The following ANTXRL variants were observed in gnomAD, a reference collection of about 807,000 sequenced individuals.
ANTXRL encodes anthrax toxin receptor-like.
A neutral mutation model predicts 75.4 loss-of-function variants in ANTXRL; 63 were observed. The observed-to-expected ratio is 0.84, with a 90% CI of 0.68 to 1.03. ANTXRL has a LOEUF of 1.03. ANTXRL is among the 50% of genes least tolerant of loss of function. The probability of loss-of-function intolerance (pLI) is 0.00; values close to 1 mark genes in which losing one functional copy is unlikely to be tolerated. For missense variants in ANTXRL, 797 were observed against 789.4 expected (o/e 1.01, Z -0.12); for synonymous variants, 335 against 291.3 (o/e 1.15, Z -1.53).
rs7093005 is a variant in ANTXRL at position 46,302,836 on chromosome 10, T to G, written c.895+16T>G. ...ACTATCATTGGTAAGTTGTCTCCTC[T>G]GTGCCTCTGAGTCACGTATTTCCCA... On this transcript the variant is annotated intron_variant, in intron 10 of 16. Transcript: ENST00000620264. The G allele has an allele frequency of 7.0e-5, 106 of 1,504,930 alleles. No individual in the cohort carries two copies. The highest frequency in any genetic ancestry group is 3.8e-4 in the Middle Eastern group (2 of 5,232). The allele number at this position is 1,504,930 out of a possible 1,614,324, so 93.2% of individuals were successfully genotyped here. A position where few individuals can be genotyped will look rare whatever the true frequency, so the allele number is the denominator to read the frequency against.
intron 16 of ANTXRL, among the ~76,000 whole-genome samples, chr10:46,326,092 GTT>G (rs111489384): frequency 3.1e-4 from 44 of 142,134 alleles, no homozygotes; most frequent in African/African-American, 7.0e-4. Context: ...AGGCATCTGG[GTT>G]TTTTTTTTTT....
chr10:46,315,823 C>T (rs770801570), intron 16 of ANTXRL, among the ~76,000 whole-genome samples: 2 of 152,188 alleles, frequency 1.3e-5, no homozygotes, highest in South Asian at 2.1e-4. Context: ...TTCTCCAAGG[C>T]TCAGTTTACC....
chr10:46,329,966 G>A lies in ANTXRL; in HGVS notation c.1778G>A (p.Arg593His), dbSNP rs782774064. ...CLPLTCSSRCRLPPARCLRPP... is the reference protein window; with the variant it reads ...CLPLTCSSRCHLPPARCLRPP... ...CCCCTCACCTGCTCCTCCAGGTGCCGCCTCCCCCCAGCTAGGTGCTTGAGG... is the reference window on the plus strand; with the variant it reads ...CCCCTCACCTGCTCCTCCAGGTGCCACCTCCCCCCAGCTAGGTGCTTGAGG... The change falls in exon 17 of 17, where the codon CGC (arginine) becomes CAC (histidine). Residue 593 changes from arginine (R) to histidine (H), a missense_variant. By Grantham distance (29) the Arg-to-His change is conservative. Coordinates refer to ENST00000620264, the MANE Select transcript of ANTXRL (RefSeq NM_001278688.3). 4.2e-5 allele frequency: 64 copies of A among 1,534,316 alleles called. No homozygotes were observed. The highest frequency in any genetic ancestry group is 1.4e-4 in the Admixed American group (7 of 50,798).
chr10:46,303,958 G>C (rs1837911686), intron 10 of ANTXRL, among the ~76,000 whole-genome samples: 1 of 152,048 alleles, frequency 6.6e-6, no homozygotes, highest in Non-Finnish European at 1.5e-5. Context: ...GGTAATCCCA[G>C]GATGACTTCT....
chr10:46,328,911 C>G (rs1839356490), intron 16 of ANTXRL, among the ~76,000 whole-genome samples: 1 of 152,026 alleles, frequency 6.6e-6, no homozygotes, highest in Non-Finnish European at 1.5e-5. Flanking sequence ...TTATAGTGAC[C>G]CTGAGGGCCT....
intron 2 of ANTXRL, among the ~76,000 whole-genome samples, chr10:46,293,576 C>CGT (rs1363831958): frequency 1.6e-3 from 91 of 57,178 alleles, no homozygotes; most frequent in Admixed American, 9.4e-3. Flanking sequence ...TGTGTGTGCG[C>CGT]GTGTGTGTGT....
At chr10:46,305,389 C>A (rs1838012741) in intron 10 of ANTXRL, among the ~76,000 whole-genome samples, 1 of 152,190 alleles carries the variant, frequency 6.6e-6, no homozygotes, top group African/African-American at 2.4e-5. Flanking sequence ...ATGGAAAATA[C>A]ATGCCAGAGT....
chr10:46,297,786 C>T, intron 7 of ANTXRL, 45 bp from the exon 8 acceptor site: 12 of 1,500,616 alleles, frequency 8.0e-6, no homozygotes, highest in Non-Finnish European at 9.9e-6. Context: ...TCTGCTGCAT[C>T]CTCACCTCCT....
chr10:46,304,056 A>G (rs1837918583), intron 10 of ANTXRL, among the ~76,000 whole-genome samples: 2 of 152,144 alleles, frequency 1.3e-5, no homozygotes, highest in Non-Finnish European at 2.9e-5. Context: ...ATTCCCACTC[A>G]TCAGCATTGT....
intron 12 of ANTXRL, chr10:46,308,429 T>TCTCCG (rs1838228344): frequency 1.1e-5 from 1 of 89,936 alleles, no homozygotes; most frequent in African/African-American, 1.5e-4. Flanking sequence ...CCTCCCCTCC[T>TCTCCG]CTCCACTCCC....
chr10:46,293,853 C>T lies in ANTXRL; in HGVS notation c.345C>T (p.Ile115=). 2.6e-6 allele frequency: 4 copies of T among 1,535,736 alleles called. No homozygotes were observed. Among genetic ancestry groups the T allele is most frequent in the Non-Finnish European group, 3.5e-6 (4 of 1,146,660 alleles). The change falls in exon 3 of 17, where the codon ATC becomes ATT. Residue 115 remains isoleucine, a synonymous_variant. Transcript: ENST00000620264. ...GCCCAAATATTCGGATGTGCTTCAT[C>T]ACCTACTCCACAGACGGCCAGACTG... The part of the protein sequence containing the change: ...FQSPNIRMCF[I]TYSTDGQTVL...
chr10:46,293,338 GTGTGTGCGTGCATGTGTGTGCA>G (rs1384978918), intron 2 of ANTXRL, among the ~76,000 whole-genome samples: 5 of 148,226 alleles, frequency 3.4e-5, no homozygotes, highest in Admixed American at 1.3e-4. Context: ...GAGTGTGTGC[GTGTGTGCGTGCATGTGTGTGCA>G]TGTGAGTGTG....
At chr10:46,302,903 C>A in intron 10 of ANTXRL, 83 bp downstream of exon 10, 3 of 1,104,262 alleles carry the variant, frequency 2.7e-6, no homozygotes, top group Non-Finnish European at 2.6e-6. Flanking sequence ...GCCTCCCAGC[C>A]CTTGCCAACC....
At chr10:46,297,760 T>C in intron 7 of ANTXRL, 71 bp from the exon 8 acceptor site, 1 of 1,334,250 alleles carries the variant, frequency 7.5e-7, no homozygotes. Flanking sequence ...CAAGACACTG[T>C]CTCCTGGGCC....
At chr10:46,300,915 G>GAACACA (rs1837689941) in intron 9 of ANTXRL, among the ~76,000 whole-genome samples, 1 of 151,994 alleles carries the variant, frequency 6.6e-6, no homozygotes, top group Non-Finnish European at 1.5e-5. Context: ...ATTGTACAAT[G>GAACACA]AACACAAACA....
intron 16 of ANTXRL, among the ~76,000 whole-genome samples, chr10:46,313,671 T>A (rs1424592775): frequency 6.6e-6 from 1 of 152,154 alleles, no homozygotes; most frequent in African/African-American, 2.4e-5. Flanking sequence ...TTATTATGAA[T>A]GAAGACTAAT....
chr10:46,308,274 A>G (rs1167703533), intron 12 of ANTXRL, among the ~76,000 whole-genome samples: 2 of 152,036 alleles, frequency 1.3e-5, no homozygotes, highest in Non-Finnish European at 2.9e-5. Flanking sequence ...CTACCCACTG[A>G]TGGCCCAACT....
In ANTXRL at chr10:46,287,431, G is replaced by A; in HGVS notation, c.169G>A (p.Gly57Arg). The change falls in exon 1 of 17, where the codon GGA becomes AGA. Residue 57 changes from glycine to arginine, a missense_variant. Around this residue, in one of 3 missense-constraint regions of ANTXRL, gnomAD observed 262 missense variants for 271.9 expected, o/e 0.96. Coordinates refer to ENST00000620264, the MANE Select transcript of ANTXRL (RefSeq NM_001278688.3). ...GAGAGCCCACCACCACCATGGCCCA[G>A]GATGGAGGCAGCACTGGCGCCAGGG... is the stretch of plus-strand genomic sequence containing the variant. ...SRRAHHHHGPGWRQHWRQGQA... is the reference protein window; with the variant it reads ...SRRAHHHHGPRWRQHWRQGQA... 1 of 1,535,890 alleles carries A rather than the reference G, an allele frequency of 6.5e-7. No homozygotes were observed. Among genetic ancestry groups the A allele is most frequent in the South Asian group, 1.2e-5 (1 of 84,048 alleles).
intron 10 of ANTXRL, among the ~76,000 whole-genome samples, chr10:46,305,478 T>C (rs1838019980): frequency 6.6e-6 from 1 of 152,174 alleles, no homozygotes; most frequent in Non-Finnish European, 1.5e-5. Context: ...GATGCCATAA[T>C]TGTTTTGAAA....
Sources: allele counts gnomAD v4.1 joint callset (sites outside exome capture counted in the v4.1 genomes callset), GRCh38; gene constraint gnomAD v4.1.1; regional missense constraint gnomAD v4.1.1; transcripts MANE v1.5; gene names NCBI Gene and HGNC (gene_info 2026-07-23, HGNC 2026-07-21).